NTN1: variants seen among roughly 807,000 people sequenced by gnomAD.
The protein encoded by NTN1 is netrin-1.
A neutral mutation model predicts 54.2 loss-of-function variants in NTN1; 11 were observed. The ratio of observed to expected loss-of-function variants is 0.20; its 90% CI spans 0.13 to 0.34. The LOEUF (loss-of-function observed/expected upper bound fraction) is 0.34, where lower values mean the gene tolerates loss of function less well. Among genes scored for constraint, NTN1 ranks in the 10% least tolerant of loss-of-function variants. The pLI is 1.00. For synonymous variants in NTN1, 371 were observed against 382.0 expected, an observed-to-expected ratio of 0.97 and a Z score of 0.33; for missense variants, 740 against 893.1, an observed-to-expected ratio of 0.83 and a Z score of 2.18.
intron 2 of NTN1, among the ~76,000 whole-genome samples, chr17:9,078,579 T>C (rs1405242758): frequency 1.3e-5 from 2 of 152,246 alleles, no homozygotes; most frequent in Admixed American, 1.3e-4. Flanking sequence ...ATCTTCTTTA[T>C]GGCTGAGGTT....
chr17:9,022,841 C>T lies in NTN1; in HGVS notation c.468C>T (p.Pro156=). The T allele has an allele frequency of 6.2e-7, 1 of 1,611,130 alleles. No individual in the cohort carries two copies. Among genetic ancestry groups the T allele is most frequent in the Non-Finnish European group, 8.5e-7 (1 of 1,179,392 alleles). The change falls in exon 2 of 7, where the codon CCC becomes CCT. Residue 156 remains proline, a synonymous_variant. Coordinates refer to ENST00000173229, the MANE Select transcript of NTN1 (RefSeq NM_004822.3). Reference sequence around the variant, plus strand: ...GCCTGCAGTTCTGCTCGCCGCGGCCCGAGTCCATGGCCATCTACAAGTCCA... The same window carrying T: ...GCCTGCAGTTCTGCTCGCCGCGGCCTGAGTCCATGGCCATCTACAAGTCCA... ...YVSLQFCSPR[P]ESMAIYKSMD...
At chr17:9,142,041 C>T (rs9897974) in intron 2 of NTN1, among the ~76,000 whole-genome samples, 1 of 152,028 alleles carries the variant, frequency 6.6e-6, no homozygotes, top group Non-Finnish European at 1.5e-5. Context: ...GCAGGAGAAT[C>T]GCATGAACCC....
At chr17:9,152,009 A>G (rs1418741241) in intron 2 of NTN1, among the ~76,000 whole-genome samples, 7 of 152,210 alleles carry the variant, frequency 4.6e-5, no homozygotes, top group Admixed American at 4.6e-4. Context: ...ATAGGACAGA[A>G]ATGGAACATG....
At chr17:9,095,502 G>A (rs912057897) in intron 2 of NTN1, among the ~76,000 whole-genome samples, 6 of 152,182 alleles carry the variant, frequency 3.9e-5, no homozygotes, top group African/African-American at 7.2e-5. Flanking sequence ...TAACGCATTC[G>A]AAATGCTCCT....
intron 2 of NTN1, among the ~76,000 whole-genome samples, chr17:9,130,697 G>T (rs949903517): frequency 6.6e-6 from 1 of 151,954 alleles, no homozygotes; most frequent in African/African-American, 2.4e-5. Flanking sequence ...TCTTCCTCAC[G>T]TGCTGGTGTT....
intron 2 of NTN1, among the ~76,000 whole-genome samples, chr17:9,089,543 G>A (rs2092102197): frequency 6.6e-6 from 1 of 152,166 alleles, no homozygotes; most frequent in South Asian, 2.1e-4. Flanking sequence ...AGTTTTGCCA[G>A]AAGACTGTCT....
At chr17:9,053,078 G>A (rs922077025) in intron 2 of NTN1, among the ~76,000 whole-genome samples, 9 of 152,222 alleles carry the variant, frequency 5.9e-5, no homozygotes, top group African/African-American at 2.2e-4. Context: ...TAGCCCGTGG[G>A]CCAAATTCTG....
At chr17:9,042,717 G>T (rs949840688) in intron 2 of NTN1, among the ~76,000 whole-genome samples, 1 of 151,706 alleles carries the variant, frequency 6.6e-6, no homozygotes, top group Non-Finnish European at 1.5e-5. Context: ...AACCCAGGAG[G>T]CAGAGGTTGC....
intron 2 of NTN1, among the ~76,000 whole-genome samples, chr17:9,078,084 C>T (rs907027093): frequency 6.6e-6 from 1 of 152,152 alleles, no homozygotes; most frequent in Non-Finnish European, 1.5e-5. Flanking sequence ...ATCCATCCAT[C>T]CATCCATCCA....
At chr17:9,195,461 G>A (rs1247458639) in intron 5 of NTN1, among the ~76,000 whole-genome samples, 2 of 152,182 alleles carry the variant, frequency 1.3e-5, no homozygotes, top group African/African-American at 4.8e-5. Context: ...AGGTGTCAGG[G>A]AGAGAGAGGA....
intron 2 of NTN1, among the ~76,000 whole-genome samples, chr17:9,152,573 C>T (rs1316548446): frequency 1.3e-5 from 2 of 152,162 alleles, no homozygotes; most frequent in Non-Finnish European, 2.9e-5. Context: ...GTCTTAGAGC[C>T]CTTTCCACAG....
At chr17:9,168,930 C>T (rs941423609) in intron 3 of NTN1, among the ~76,000 whole-genome samples, 1 of 152,124 alleles carries the variant, frequency 6.6e-6, no homozygotes, top group African/African-American at 2.4e-5. Context: ...ACAGAGACCC[C>T]AAGGCAAGGA....
chr17:9,217,432 T>C (rs1159920409), intron 5 of NTN1, among the ~76,000 whole-genome samples: 2 of 152,236 alleles, frequency 1.3e-5, no homozygotes, highest in Non-Finnish European at 1.5e-5. Context: ...AGGAGCTACA[T>C]GAGAGGCTGC....
intron 2 of NTN1, among the ~76,000 whole-genome samples, chr17:9,147,555 T>C (rs1218353862): frequency 1.3e-5 from 2 of 152,148 alleles, no homozygotes; most frequent in African/African-American, 4.8e-5. Flanking sequence ...CTCAAACCTG[T>C]AAGGATCTGA....
At chr17:9,034,638 G>C (rs531630394) in intron 2 of NTN1, among the ~76,000 whole-genome samples, 24 of 151,890 alleles carry the variant, frequency 1.6e-4, no homozygotes, top group African/African-American at 5.8e-4. Context: ...GGCCAGGCTG[G>C]TCTCGAACTC....
At chr17:9,183,012 T>G in intron 5 of NTN1, 43 bp downstream of exon 5, 2 of 1,489,974 alleles carry the variant, frequency 1.3e-6, no homozygotes, top group Non-Finnish European at 1.9e-6. Flanking sequence ...TTTTGCTGGG[T>G]GGTGGGGTGG....
intron 2 of NTN1, among the ~76,000 whole-genome samples, chr17:9,122,124 G>A (rs1005439704): frequency 6.6e-6 from 1 of 150,540 alleles, no homozygotes; most frequent in African/African-American, 2.5e-5. Flanking sequence ...TGCAAGCTCC[G>A]CTTCCCGGGT....
chr17:9,113,851 G>A (rs28456271), intron 2 of NTN1, among the ~76,000 whole-genome samples: 18,585 of 151,788 alleles, frequency 0.12, 1,217 homozygotes, highest in African/African-American at 0.14. Context: ...AAACTCTAAT[G>A]TAGACATAAA....
intron 6 of NTN1, among the ~76,000 whole-genome samples, chr17:9,238,929 C>A (rs1906088627): frequency 6.6e-6 from 1 of 152,146 alleles, no homozygotes; most frequent in African/African-American, 2.4e-5. Context: ...CCAGGGGATT[C>A]TGATGCATGC....
Sources: gnomAD v4.1 joint callset for allele counts (sites outside exome capture counted in the v4.1 genomes callset) on GRCh38, gnomAD v4.1.1 for gene constraint, MANE v1.5 for transcripts, NCBI Gene and HGNC (gene_info 2026-07-23, HGNC 2026-07-21) for gene names.